Variants in ZBTB20 observed in about 807,000 individuals in gnomAD.
ZBTB20 encodes the protein zinc finger and BTB domain containing 20.
ZBTB20 carries 9 observed loss-of-function variants against 56.9 expected under a neutral mutation model. That is an observed-to-expected ratio of 0.16 (90% CI 0.10 to 0.28). The LOEUF (loss-of-function observed/expected upper bound fraction) is 0.28, where lower values mean the gene tolerates loss of function less well. Ranked by LOEUF, ZBTB20 falls within the 10% of genes least tolerant of loss-of-function variation. ZBTB20 has a pLI of 1.00. For missense variants in ZBTB20, 655 were observed against 1,003.0 expected (o/e 0.65, Z 4.69); for synonymous variants, 417 against 420.7 (o/e 0.99, Z 0.11).
intron 6 of ZBTB20, among the ~76,000 whole-genome samples, chr3:114,683,114 C>T (rs965126999): frequency 1.3e-5 from 2 of 152,120 alleles, no homozygotes; most frequent in Non-Finnish European, 2.9e-5. Context: ...AAGTAAACTA[C>T]TTGGAAAATT....
At chr3:115,135,980 C>A (rs1342985808) in intron 1 of ZBTB20, among the ~76,000 whole-genome samples, 1 of 152,138 alleles carries the variant, frequency 6.6e-6, no homozygotes, top group East Asian at 1.9e-4. Flanking sequence ...CTTTGTTTGT[C>A]CCTCTATCCA....
At chr3:114,604,050 T>C (rs1022932794) in intron 6 of ZBTB20, among the ~76,000 whole-genome samples, 1 of 152,102 alleles carries the variant, frequency 6.6e-6, no homozygotes, top group Non-Finnish European at 1.5e-5. Flanking sequence ...TCTGAGAATT[T>C]ATCCTGCAGA....
At chr3:114,540,710 C>T (rs1458431661) in intron 6 of ZBTB20, among the ~76,000 whole-genome samples, 1 of 152,130 alleles carries the variant, frequency 6.6e-6, no homozygotes, top group African/African-American at 2.4e-5. Flanking sequence ...TAAGAGCCCT[C>T]CAAATTTCTA....
chr3:114,847,251 C>T (rs1202344438), intron 4 of ZBTB20, among the ~76,000 whole-genome samples: 1 of 150,432 alleles, frequency 6.6e-6, no homozygotes, highest in Non-Finnish European at 1.5e-5. Flanking sequence ...GTCATTACTT[C>T]AGATTTGGGA....
chr3:114,812,853 G>C (rs1323443839), intron 4 of ZBTB20, among the ~76,000 whole-genome samples: 1 of 152,234 alleles, frequency 6.6e-6, no homozygotes, highest in Non-Finnish European at 1.5e-5. Context: ...CGGGAAGGCA[G>C]CTAAGGCCCG....
In ZBTB20 at chr3:114,323,609, T is replaced by C. The variant is rs2078969821; in HGVS notation, c.*15396A>G. 6.6e-6 allele frequency: 1 copy of C among 152,208 alleles called. No homozygotes were observed. The highest frequency in any genetic ancestry group is 6.5e-5 in the Admixed American group (1 of 15,284). The allele number at this position is 152,208 out of a possible 1,614,324, so 9.4% of individuals were successfully genotyped here. A position where few individuals can be genotyped will look rare whatever the true frequency, so the allele number is the denominator to read the frequency against. ...GGCCAAGGCAAAGACTTCTACATCATATCAATTGGCTTCTTCACTGTTAAA... is the reference window on the plus strand; with the variant it reads ...GGCCAAGGCAAAGACTTCTACATCACATCAATTGGCTTCTTCACTGTTAAA... On this transcript the variant is annotated 3_prime_UTR_variant, in exon 12 of 12. Coordinates refer to ENST00000675478, the MANE Select transcript of ZBTB20 (RefSeq NM_001348800.3).
chr3:114,816,267 C>T (rs182810172), intron 4 of ZBTB20, among the ~76,000 whole-genome samples: 123 of 152,142 alleles, frequency 8.1e-4, no homozygotes, highest in African/African-American at 2.6e-3. Context: ...ATAAGCTGGG[C>T]AAATAGAGGA....
chr3:115,124,424 C>T (rs2084267903), intron 1 of ZBTB20, among the ~76,000 whole-genome samples: 1 of 152,210 alleles, frequency 6.6e-6, no homozygotes, highest in African/African-American at 2.4e-5. Context: ...AACCTAAAGA[C>T]ATTTTAAAAA....
chr3:114,748,349 C>G (rs1373709745), intron 5 of ZBTB20, among the ~76,000 whole-genome samples: 5 of 18,484 alleles, frequency 2.7e-4, no homozygotes, highest in African/African-American at 6.0e-4. Context: ...TTCTTTCTTT[C>G]TTTTCTCTCT....
intron 2 of ZBTB20, among the ~76,000 whole-genome samples, chr3:115,018,443 TA>T (rs1050469901): frequency 3.3e-5 from 5 of 151,514 alleles, no homozygotes; most frequent in African/African-American, 1.2e-4. Flanking sequence ...TAAATATGAT[TA>T]TTTCCATCTT....
chr3:114,469,910 C>A (rs2039927101), intron 7 of ZBTB20, among the ~76,000 whole-genome samples: 1 of 152,154 alleles, frequency 6.6e-6, no homozygotes, highest in East Asian at 1.9e-4. Flanking sequence ...TTTGAAAAAT[C>A]AGTATTACTT....
chr3:114,592,310 C>T (rs1323502569), intron 6 of ZBTB20, among the ~76,000 whole-genome samples: 1 of 152,136 alleles, frequency 6.6e-6, no homozygotes, highest in Non-Finnish European at 1.5e-5. Flanking sequence ...GCAAAACTTA[C>T]ATTGGGCTAA....
At chr3:115,048,993 T>C (rs1040386363) in intron 2 of ZBTB20, among the ~76,000 whole-genome samples, 9 of 152,176 alleles carry the variant, frequency 5.9e-5, no homozygotes, top group African/African-American at 2.2e-4. Flanking sequence ...GTGAACTATA[T>C]GCAAACCCAT....
intron 4 of ZBTB20, among the ~76,000 whole-genome samples, chr3:114,882,129 G>GA (rs1454714977): frequency 2.0e-5 from 3 of 151,504 alleles, no homozygotes; most frequent in South Asian, 4.2e-4. Context: ...AAACTCAATA[G>GA]AAAAATACAG....
intron 10 of ZBTB20, among the ~76,000 whole-genome samples, chr3:114,369,185 G>T (rs983568506): frequency 6.6e-6 from 1 of 152,160 alleles, no homozygotes; most frequent in Non-Finnish European, 1.5e-5. Context: ...GAAGGACAAA[G>T]TTAATTCAGT....
At chr3:115,007,145 CA>C (rs1213572188) in intron 2 of ZBTB20, among the ~76,000 whole-genome samples, 1 of 151,678 alleles carries the variant, frequency 6.6e-6, no homozygotes, top group Non-Finnish European at 1.5e-5. Flanking sequence ...ACATTATAGT[CA>C]GTATGTTTTA....
intron 6 of ZBTB20, among the ~76,000 whole-genome samples, chr3:114,677,376 A>G (rs530448751): frequency 6.6e-6 from 1 of 152,272 alleles, no homozygotes; most frequent in South Asian, 2.1e-4. Flanking sequence ...ACGGGAGGAG[A>G]TGAACAGTGG....
intron 6 of ZBTB20, among the ~76,000 whole-genome samples, chr3:114,579,440 TAG>T (rs1271646090): frequency 1.3e-5 from 2 of 151,484 alleles, no homozygotes; most frequent in Non-Finnish European, 3.0e-5. Context: ...GAGAAAAATT[TAG>T]AGTCTGAAAT....
In ZBTB20 at chr3:114,502,432, C is replaced by T. The variant is rs116573402; in HGVS notation, c.-294-2041G>A. The stretch of plus-strand genomic sequence containing the variant: ...CCTTGCTCAAGTACATGCAGGTGTA[C>T]TTGATGCAGGATGGTGACAAGACGA... On this transcript the variant is annotated intron_variant, in intron 6 of 11. Transcript: ENST00000675478. Among the ~76,000 whole-genome samples, 767 of 152,208 alleles carry T rather than the reference C, an allele frequency of 5.0e-3. 8 individuals carry two copies. Among genetic ancestry groups the T allele is most frequent in the African/African-American group, 0.018 (731 of 41,526 alleles).
Sources: allele counts gnomAD v4.1 joint callset (sites outside exome capture counted in the v4.1 genomes callset), GRCh38; gene constraint gnomAD v4.1.1; transcripts MANE v1.5; gene names NCBI Gene and HGNC (gene_info 2026-07-23, HGNC 2026-07-21).